Variants in HEMK2 observed in about 807,000 individuals in gnomAD.
HEMK2 encodes the protein methyltransferase HEMK2.
chr21:28,702,957 C>G, the HEMK2 span, among the ~76,000 whole-genome samples: 1 of 152,150 alleles, frequency 6.6e-6, no homozygotes, highest in Admixed American at 6.6e-5. Flanking sequence ...GTGACATATA[C>G]ACAATGGAAT....
At chr21:28,655,619 T>C in the HEMK2 span, among the ~76,000 whole-genome samples, 1 of 152,014 alleles carries the variant, frequency 6.6e-6, no homozygotes, top group African/African-American at 2.4e-5. Context: ...CCAGGTTTCT[T>C]ATTCTCTCTA....
the HEMK2 span, among the ~76,000 whole-genome samples, chr21:28,822,437 T>G: frequency 6.6e-6 from 1 of 152,170 alleles, no homozygotes; most frequent in African/African-American, 2.4e-5. Flanking sequence ...CTGAATTTCT[T>G]GGCTCATGTT....
the HEMK2 span, among the ~76,000 whole-genome samples, chr21:28,718,193 A>G: frequency 1.8e-4 from 28 of 152,310 alleles, no homozygotes; most frequent in Non-Finnish European, 3.5e-4. Flanking sequence ...AAAGTCATTC[A>G]GGAGTAAGTT....
the HEMK2 span, among the ~76,000 whole-genome samples, chr21:28,726,560 CTTT>C: frequency 1.3e-5 from 2 of 152,136 alleles, no homozygotes; most frequent in African/African-American, 4.8e-5. Flanking sequence ...TCTTTCACTT[CTTT>C]GAGATTTTTT....
At chr21:28,820,277 C>A in the HEMK2 span, among the ~76,000 whole-genome samples, 1 of 152,136 alleles carries the variant, frequency 6.6e-6, no homozygotes, top group African/African-American at 2.4e-5. Flanking sequence ...GCCTCTCAAT[C>A]CTCTGCCTCT....
the HEMK2 span, among the ~76,000 whole-genome samples, chr21:28,805,740 T>C: frequency 6.6e-6 from 1 of 152,202 alleles, no homozygotes; most frequent in Non-Finnish European, 1.5e-5. Context: ...TTTGAATCCC[T>C]GATTCTTTCG....
the HEMK2 span, among the ~76,000 whole-genome samples, chr21:28,792,338 C>T: frequency 6.6e-6 from 1 of 152,160 alleles, no homozygotes; most frequent in African/African-American, 2.4e-5. Context: ...AACTTGCTTT[C>T]ACTTTATTGT....
the HEMK2 span, among the ~76,000 whole-genome samples, chr21:28,795,327 C>G: frequency 6.6e-6 from 1 of 152,130 alleles, no homozygotes; most frequent in African/African-American, 2.4e-5. Context: ...GAGCCAATAA[C>G]TAAGGTGCTT....
At chr21:28,885,266 T>C in the HEMK2 span, 1 of 1,594,794 alleles carries the variant, frequency 6.3e-7, no homozygotes, top group Non-Finnish European at 8.6e-7. Context: ...AAACGTGTCC[T>C]CCGCGGGCTC....
At chr21:28,802,373 G>A in the HEMK2 span, among the ~76,000 whole-genome samples, 26 of 152,248 alleles carry the variant, frequency 1.7e-4, no homozygotes, top group East Asian at 4.6e-3. Flanking sequence ...ATTCTGGAAG[G>A]ATACAACATA....
chr21:28,750,634 G>A, the HEMK2 span, among the ~76,000 whole-genome samples: 4 of 149,756 alleles, frequency 2.7e-5, no homozygotes, highest in East Asian at 8.0e-4. Flanking sequence ...CCAGGAGGTA[G>A]AGGTTGCAGT....
At chr21:28,767,442 T>A in the HEMK2 span, among the ~76,000 whole-genome samples, 3 of 151,556 alleles carry the variant, frequency 2.0e-5, no homozygotes, top group Non-Finnish European at 4.4e-5. Flanking sequence ...AAAAGAATTA[T>A]GTTCTTGAAA....
chr21:28,586,680 A>C, the HEMK2 span, among the ~76,000 whole-genome samples: 2 of 152,144 alleles, frequency 1.3e-5, no homozygotes, highest in Non-Finnish European at 2.9e-5. Flanking sequence ...ATCTGATTTT[A>C]TTTTTGACAC....
At chr21:28,854,694 G>A in the HEMK2 span, among the ~76,000 whole-genome samples, 1 of 152,174 alleles carries the variant, frequency 6.6e-6, no homozygotes, top group Admixed American at 6.5e-5. Context: ...GGAGAAAGAT[G>A]CAGGCTGGGA....
the HEMK2 span, among the ~76,000 whole-genome samples, chr21:28,736,393 A>C: frequency 3.9e-5 from 6 of 152,216 alleles, no homozygotes; most frequent in African/African-American, 1.4e-4. Context: ...GGATACTTTC[A>C]CAGTTCTCTT....
chr21:28,784,858 C>T, the HEMK2 span, among the ~76,000 whole-genome samples: 10 of 152,210 alleles, frequency 6.6e-5, no homozygotes, highest in African/African-American at 2.4e-4. Context: ...TCCCCTTCCA[C>T]AATGTGGAAG....
At chr21:28,834,970 C>A in the HEMK2 span, among the ~76,000 whole-genome samples, 7 of 152,216 alleles carry the variant, frequency 4.6e-5, no homozygotes, top group East Asian at 1.4e-3. Context: ...ACCCCCATCC[C>A]CCACAGTAGC....
At chr21:28,797,286 T>G in the HEMK2 span, among the ~76,000 whole-genome samples, 1 of 151,984 alleles carries the variant, frequency 6.6e-6, no homozygotes, top group East Asian at 1.9e-4. Flanking sequence ...AAAAAGCTTT[T>G]AAGATATGTA....
the HEMK2 span, among the ~76,000 whole-genome samples, chr21:28,789,750 G>C: frequency 6.6e-6 from 1 of 152,108 alleles, no homozygotes. Flanking sequence ...GCCTCTAACG[G>C]GCAGGTCTGC....
Sources: allele counts gnomAD v4.1 joint callset (sites outside exome capture counted in the v4.1 genomes callset), GRCh38; gene constraint gnomAD v4.1.1; transcripts MANE v1.5; gene names NCBI Gene and HGNC (gene_info 2026-07-23, HGNC 2026-07-21).